Variants in RALGPS1 observed in about 807,000 individuals in gnomAD.
RALGPS1 encodes Ral GEF with PH domain and SH3 binding motif 1.
In RALGPS1, 19 loss-of-function variants were observed where a neutral mutation model predicts 78.8. The observed-to-expected ratio is 0.24, with a 90% confidence interval of 0.17 to 0.35. RALGPS1 has a LOEUF of 0.35. Ranked by LOEUF, RALGPS1 falls within the 10% of genes least tolerant of loss-of-function variation. The pLI is 1.00. For synonymous variants in RALGPS1, 228 were observed against 256.3 expected (o/e 0.89, Z 1.06); for missense variants, 454 against 688.3 (o/e 0.66, Z 3.81).
intron 3 of RALGPS1, among the ~76,000 whole-genome samples, chr9:126,968,346 T>C (rs2417043): frequency 0.17 from 25,496 of 152,192 alleles, 3,088 homozygotes; most frequent in Non-Finnish European, 0.22. Flanking sequence ...TCATATCATT[T>C]GCTCCCAATT....
chr9:127,012,503 C>T (rs1456702019), intron 4 of RALGPS1, among the ~76,000 whole-genome samples: 1 of 152,194 alleles, frequency 6.6e-6, no homozygotes, highest in Non-Finnish European at 1.5e-5. Flanking sequence ...CTGTAGCCCC[C>T]TTGGTCCATT....
intron 1 of RALGPS1, among the ~76,000 whole-genome samples, chr9:126,920,896 C>T (rs552399106): frequency 1.4e-4 from 21 of 152,288 alleles, no homozygotes; most frequent in African/African-American, 4.1e-4. Context: ...CAGGCAGACC[C>T]GGGTTCAAAT....
intron 8 of RALGPS1, among the ~76,000 whole-genome samples, chr9:127,118,350 G>T (rs537548864): frequency 1.3e-5 from 2 of 152,212 alleles, no homozygotes; most frequent in African/African-American, 4.8e-5. Flanking sequence ...GGCTTCTGAC[G>T]TGACCAGTGT....
At chr9:127,072,111 T>A (rs2050253316) in intron 8 of RALGPS1, among the ~76,000 whole-genome samples, 2 of 152,260 alleles carry the variant, frequency 1.3e-5, no homozygotes, top group South Asian at 2.1e-4. Context: ...TTCTTTCTCA[T>A]AGCATCATGT....
At chr9:127,210,548 G>A in intron 14 of RALGPS1, 1 of 629,174 alleles carries the variant, frequency 1.6e-6, no homozygotes, top group Non-Finnish European at 2.8e-6. Context: ...TGTGGCCGAG[G>A]AGGCTGGGGA....
intron 1 of RALGPS1, among the ~76,000 whole-genome samples, chr9:126,917,423 T>C (rs1266522861): frequency 6.6e-6 from 1 of 152,176 alleles, no homozygotes; most frequent in Non-Finnish European, 1.5e-5. Context: ...AAATACTGCA[T>C]GTGAGGCTCT....
chr9:126,963,666 C>T (rs946560445), intron 2 of RALGPS1, among the ~76,000 whole-genome samples: 7 of 152,148 alleles, frequency 4.6e-5, no homozygotes, highest in Admixed American at 2.0e-4. Context: ...ATAACCCCAT[C>T]AGGTGTATAT....
intron 8 of RALGPS1, chr9:127,107,971 G>A: frequency 6.4e-7 from 1 of 1,573,146 alleles, no homozygotes. Context: ...AGTGGGCAGA[G>A]GGGGTGGCAG....
At position 127,183,474 on chromosome 9, in the gene RALGPS1, C is replaced by T. The variant is rs984148420; in HGVS notation, c.910+8692C>T. On this transcript the variant is annotated intron_variant, in intron 11 of 18. Coordinates refer to ENST00000259351, the MANE Select transcript of RALGPS1 (RefSeq NM_014636.3). The surrounding 1 kb of genome is among the most constrained non-coding windows in gnomAD (Gnocchi z 4.0). ...TCCTCACATGGGCCACCTCGGTCCA[C>T]AGGAGGCCGTACCTGTCCTCATTCT... Among the ~76,000 whole-genome samples the T allele has an allele frequency of 1.8e-4, 28 of 152,306 alleles. No homozygotes were observed. In the South Asian group the frequency reaches 4.4e-3, roughly 24 times the overall value.
chr9:127,011,044 C>T (rs933484246), intron 4 of RALGPS1, among the ~76,000 whole-genome samples: 2 of 152,088 alleles, frequency 1.3e-5, no homozygotes, highest in Non-Finnish European at 2.9e-5. Flanking sequence ...AGAGCTACTT[C>T]AGTCACTTCC....
At chr9:126,932,894 G>C (rs1474727602) in intron 1 of RALGPS1, among the ~76,000 whole-genome samples, 1 of 152,216 alleles carries the variant, frequency 6.6e-6, no homozygotes, top group Non-Finnish European at 1.5e-5. Context: ...GCCACCACAA[G>C]AGCGGGCAGT....
intron 1 of RALGPS1, among the ~76,000 whole-genome samples, chr9:126,960,886 T>A (rs1388200192): frequency 6.6e-6 from 1 of 152,134 alleles, no homozygotes; most frequent in African/African-American, 2.4e-5. Flanking sequence ...CCTCAGCTGG[T>A]ACTTCTGCCT....
chr9:126,997,604 T>A (rs1424722542), intron 4 of RALGPS1, among the ~76,000 whole-genome samples: 1 of 152,184 alleles, frequency 6.6e-6, no homozygotes, highest in African/African-American at 2.4e-5. Flanking sequence ...CCAAGGTGAT[T>A]TATAGATTCA....
rs543004301 is a variant in RALGPS1, at chr9:127,137,572, A to T, written c.611-28497A>T. ...GGACACAGCTGCAGCCTTTGGTCCC[A>T]TGAGCCATTTCAGGATTCTTGCCGT... is the stretch of plus-strand genomic sequence containing the variant. On this transcript the variant is annotated intron_variant, in intron 8 of 18. Coordinates refer to ENST00000259351, the MANE Select transcript of RALGPS1 (RefSeq NM_014636.3). Among the ~76,000 whole-genome samples the T allele has an allele frequency of 2.1e-4, 32 of 152,356 alleles. 1 individual carries two copies. In the South Asian group the frequency reaches 5.2e-3, roughly 25 times the overall value.
Position 127,091,630 on chromosome 9 carries a change from T to C in RALGPS1, c.610+22274T>C, listed in dbSNP as rs184100469. On this transcript the variant is annotated intron_variant, in intron 8 of 18. Transcript: ENST00000259351. The surrounding 1 kb of genome is among the most constrained non-coding windows in gnomAD (Gnocchi z 4.3). Reference sequence around the variant, plus strand: ...GGGCTCTGGCTCTGGTTGACCTCTTTTCCCTACCCTGCACCTGGGTTTGAC... The same window carrying C: ...GGGCTCTGGCTCTGGTTGACCTCTTCTCCCTACCCTGCACCTGGGTTTGAC... 6.3e-7 allele frequency: 1 copy of C among 1,594,446 alleles called. No individual in the cohort carries two copies. Among genetic ancestry groups the C allele is most frequent in the Non-Finnish European group, 8.6e-7 (1 of 1,168,692 alleles).
chr9:127,048,909 A>G (rs543229671), intron 5 of RALGPS1, among the ~76,000 whole-genome samples: 3 of 152,360 alleles, frequency 2.0e-5, no homozygotes, highest in South Asian at 2.1e-4. Context: ...AAACATTTCT[A>G]TAATACTCCT....
chr9:127,184,191 GGT>G, intron 11 of RALGPS1: 1 of 770,722 alleles, frequency 1.3e-6, no homozygotes, highest in Non-Finnish European at 2.1e-6. Flanking sequence ...TGGGCATGGT[GGT>G]GCGTGCCTAC....
chr9:126,936,222 A>T (rs2036245726), intron 1 of RALGPS1, among the ~76,000 whole-genome samples: 1 of 152,246 alleles, frequency 6.6e-6, no homozygotes, highest in Admixed American at 6.5e-5. Flanking sequence ...GGCAAAGACA[A>T]GTGACATTGC....
intron 8 of RALGPS1, among the ~76,000 whole-genome samples, chr9:127,133,453 C>T (rs1290261): frequency 0.025 from 3,734 of 152,352 alleles, 58 homozygotes; most frequent in Middle Eastern, 0.048. Flanking sequence ...GCCGAGGTGG[C>T]GTCCCCGTCT....
Sources: allele counts gnomAD v4.1 joint callset (sites outside exome capture counted in the v4.1 genomes callset), GRCh38; gene constraint gnomAD v4.1.1; non-coding constraint Gnocchi (gnomAD v3.1); transcripts MANE v1.5; gene names NCBI Gene and HGNC (gene_info 2026-07-23, HGNC 2026-07-21).